The following JADE1 variants were observed in gnomAD, a reference collection of about 807,000 sequenced individuals.
The protein encoded by JADE1 is protein Jade-1.
In JADE1, 14 loss-of-function variants were observed where a neutral mutation model predicts 81.8. The ratio of observed to expected loss-of-function variants is 0.17; its 90% confidence interval spans 0.11 to 0.27. JADE1 has a LOEUF of 0.27. Ranked by LOEUF, JADE1 falls within the 10% of genes least tolerant of loss-of-function variation. The pLI, the probability that JADE1 is intolerant of heterozygous loss-of-function variation, is 1.00. For missense variants in JADE1, 690 were observed against 1,047.9 expected, an observed-to-expected ratio of 0.66 and a Z score of 4.71; for synonymous variants, 353 against 391.9, an observed-to-expected ratio of 0.90 and a Z score of 1.17.
In JADE1 at chr4:128,871,967, T is replaced by C; in HGVS notation, c.2234T>C (p.Val745Ala). The change falls in exon 11 of 11, where the codon GTG becomes GCG. Residue 745 changes from valine (V) to alanine (A), a missense_variant. Coordinates refer to ENST00000226319, the MANE Select transcript of JADE1 (RefSeq NM_199320.4). This position sits in a 1 kb window ranked among gnomAD's most constrained non-coding sequence, Gnocchi z 4.1. Reference sequence around the variant, plus strand: ...GTGCCTACAACACCTGCCAGCCCAGTGAAAAACTGGGGAGGATTCCGGATT... The same window carrying C: ...GTGCCTACAACACCTGCCAGCCCAGCGAAAAACTGGGGAGGATTCCGGATT... ...VKVPTTPASP[V>A]KNWGGFRIPK... 6.2e-7 allele frequency: 1 copy of C among 1,613,674 alleles called. No individual in the cohort carries two copies. Among genetic ancestry groups the C allele is most frequent in the African/African-American group, 1.3e-5 (1 of 74,918 alleles).
intron 1 of JADE1, among the ~76,000 whole-genome samples, chr4:128,821,769 G>A (rs1727593472): frequency 6.6e-6 from 1 of 152,214 alleles, no homozygotes; most frequent in South Asian, 2.1e-4. Flanking sequence ...AATCTGGCCC[G>A]CCTCGGCCTC....
rs958583101 is a variant in JADE1 at position 128,846,618 on chromosome 4, G to A, written c.296+86G>A. On this transcript the variant is annotated intron_variant, in intron 4 of 10. Transcript: ENST00000226319. The surrounding 1 kb of genome is among the most constrained non-coding windows in gnomAD (Gnocchi z 4.0). ...AGGCATCTGAGAAGAGACAATTTCT[G>A]TGGGAAGAGACAGTTTCTGAGTTAG... The A allele has an allele frequency of 5.7e-6, 8 of 1,411,004 alleles. No homozygotes were observed. Among genetic ancestry groups the A allele is most frequent in the Non-Finnish European group, 7.8e-6 (8 of 1,027,464 alleles). 87.4% of individuals were successfully genotyped at this position (1,411,004 alleles called of 1,614,324 possible).
At position 128,862,230 on chromosome 4, in the gene JADE1, T is replaced by C; in HGVS notation, c.1503+5T>C. 6.2e-7 allele frequency: 1 copy of C among 1,614,118 alleles called. No individual in the cohort carries two copies. The highest frequency in any genetic ancestry group is 8.5e-7 in the Non-Finnish European group (1 of 1,180,010). ...CTGCGGCAGGACCTGGAGAGGGTAA[T>C]GATTGACACTGACACCTTATAGTGA... is the stretch of plus-strand genomic sequence containing the variant. On this transcript the variant is annotated splice_donor_5th_base_variant and intron_variant, in intron 9 of 10. Transcript: ENST00000226319.
At chr4:128,837,789 A>G (rs1050376814) in intron 2 of JADE1, among the ~76,000 whole-genome samples, 3 of 152,244 alleles carry the variant, frequency 2.0e-5, no homozygotes, top group Non-Finnish European at 4.4e-5. Flanking sequence ...AAAGACAGAT[A>G]CCAGCATATT....
chr4:128,865,631 C>T (rs954546502), intron 9 of JADE1, among the ~76,000 whole-genome samples: 5 of 152,238 alleles, frequency 3.3e-5, no homozygotes, highest in African/African-American at 1.2e-4. Context: ...TTAGAGTCCT[C>T]ACTACTATAA....
chr4:128,859,409 G>A (rs1445702251), intron 8 of JADE1, among the ~76,000 whole-genome samples: 6 of 152,124 alleles, frequency 3.9e-5, no homozygotes, highest in East Asian at 3.8e-4. Context: ...GTGCGTATGC[G>A]TGTGTATGCA....
chr4:128,837,975 T>G (rs946157308), intron 2 of JADE1, among the ~76,000 whole-genome samples: 5 of 152,212 alleles, frequency 3.3e-5, no homozygotes, highest in Non-Finnish European at 5.9e-5. Flanking sequence ...AGCTACCAAA[T>G]GTGGAAGGTG....
intron 1 of JADE1, among the ~76,000 whole-genome samples, chr4:128,811,676 G>A (rs1179349315): frequency 6.8e-6 from 1 of 146,924 alleles, no homozygotes; most frequent in Non-Finnish European, 1.5e-5. Context: ...GGCCCGCCGC[G>A]CCCGCCCCGC....
chr4:128,840,948 T>C (rs1579165483), intron 2 of JADE1, among the ~76,000 whole-genome samples: 1 of 152,346 alleles, frequency 6.6e-6, no homozygotes, highest in Middle Eastern at 3.4e-3. Flanking sequence ...TGCTCAAGGG[T>C]AGTGCCGATG....
At position 128,846,621 on chromosome 4, in the gene JADE1, G is replaced by A. The variant is rs149512565; in HGVS notation, c.296+89G>A. On this transcript the variant is annotated intron_variant, in intron 4 of 10. Coordinates refer to ENST00000226319, the MANE Select transcript of JADE1 (RefSeq NM_199320.4). The surrounding 1 kb of genome is among the most constrained non-coding windows in gnomAD (Gnocchi z 4.0). ...CATCTGAGAAGAGACAATTTCTGTG[G>A]GAAGAGACAGTTTCTGAGTTAGCAT... 1 of 1,377,428 alleles carries A rather than the reference G, an allele frequency of 7.3e-7. No homozygotes were observed. Among genetic ancestry groups the A allele is most frequent in the Middle Eastern group, 2.3e-4 (1 of 4,344 alleles). The allele number at this position is 1,377,428 out of a possible 1,614,324, so 85.3% of individuals were successfully genotyped here.
At chr4:128,812,452 C>T (rs1309549740) in intron 1 of JADE1, among the ~76,000 whole-genome samples, 3 of 152,042 alleles carry the variant, frequency 2.0e-5, no homozygotes, top group Admixed American at 1.3e-4. Context: ...GGGGTGCCCC[C>T]CTTGCTGGGA....
At chr4:128,869,236 A>C (rs1040847254) in intron 10 of JADE1, among the ~76,000 whole-genome samples, 6 of 152,182 alleles carry the variant, frequency 3.9e-5, no homozygotes, top group Admixed American at 3.9e-4. Flanking sequence ...GTATATCATT[A>C]GCTGGAACTT....
At chr4:128,852,357 C>T in intron 6 of JADE1, 89 bp downstream of exon 6, 1 of 1,012,120 alleles carries the variant, frequency 9.9e-7, no homozygotes. Context: ...AGGATTCTTC[C>T]TCCGAATGGG....
chr4:128,862,523 T>C, intron 9 of JADE1: 1 of 1,241,142 alleles, frequency 8.1e-7, no homozygotes, highest in Non-Finnish European at 1.0e-6. Context: ...CCCCCATTCC[T>C]TCATTCTAGA....
At chr4:128,825,451 A>G (rs75738045) in intron 1 of JADE1, among the ~76,000 whole-genome samples, 3,412 of 152,210 alleles carry the variant, frequency 0.022, 113 homozygotes, top group African/African-American at 0.074. Flanking sequence ...TGTTCGCTCA[A>G]ATTCCTGAGC....
At chr4:128,840,796 A>G (rs1266386184) in intron 2 of JADE1, among the ~76,000 whole-genome samples, 1 of 152,246 alleles carries the variant, frequency 6.6e-6, no homozygotes, top group Non-Finnish European at 1.5e-5. Context: ...GAGTCTAAAG[A>G]GGCACACTTA....
At chr4:128,826,347 TC>T (rs1384999480) in intron 1 of JADE1, among the ~76,000 whole-genome samples, 1 of 146,584 alleles carries the variant, frequency 6.8e-6, no homozygotes, top group Admixed American at 7.0e-5. Flanking sequence ...ACCATCATGG[TC>T]CCCCTTCTCT....
intron 3 of JADE1, among the ~76,000 whole-genome samples, chr4:128,844,614 C>T (rs1261260877): frequency 6.6e-6 from 1 of 151,940 alleles, no homozygotes; most frequent in Non-Finnish European, 1.5e-5. Flanking sequence ...GGTATAGGCC[C>T]ATCTCTTAGG....
chr4:128,869,589 G>A (rs1316613411), intron 10 of JADE1, among the ~76,000 whole-genome samples: 1 of 152,204 alleles, frequency 6.6e-6, no homozygotes, highest in African/African-American at 2.4e-5. Context: ...ATTTCTCATG[G>A]ATATTGCAGG....
Sources: gnomAD v4.1 joint callset for allele counts (sites outside exome capture counted in the v4.1 genomes callset) on GRCh38, gnomAD v4.1.1 for gene constraint, Gnocchi (gnomAD v3.1) non-coding constraint, MANE v1.5 for transcripts, NCBI Gene and HGNC (gene_info 2026-07-23, HGNC 2026-07-21) for gene names.